The following GULP1 variants were observed in gnomAD, a reference collection of about 807,000 sequenced individuals.
The protein encoded by GULP1 is GULP PTB domain containing engulfment adaptor 1.
GULP1 carries 19 observed loss-of-function variants against 40.9 expected under a neutral mutation model. The ratio of observed to expected loss-of-function variants is 0.46; its 90% confidence interval spans 0.32 to 0.68. The LOEUF is 0.68. GULP1 is among the 30% of genes least tolerant of loss of function. The probability of loss-of-function intolerance (pLI) is 0.03; values close to 1 mark genes in which losing one functional copy is unlikely to be tolerated. For synonymous variants in GULP1, 119 were observed against 117.6 expected (o/e 1.01, Z -0.08); for missense variants, 312 against 362.2 (o/e 0.86, Z 1.12).
At chr2:188,524,735 A>G (rs932480775) in intron 5 of GULP1, among the ~76,000 whole-genome samples, 6 of 149,636 alleles carry the variant, frequency 4.0e-5, no homozygotes, top group Non-Finnish European at 7.4e-5. Context: ...TGGCTCTACT[A>G]AAAAAAAAGA....
chr2:188,513,970 A>G (rs2064888423), intron 4 of GULP1, among the ~76,000 whole-genome samples: 1 of 149,616 alleles, frequency 6.7e-6, no homozygotes, highest in South Asian at 2.1e-4. Flanking sequence ...TTCTCTGAGT[A>G]CTCCTGTTTC....
At chr2:188,344,809 C>T (rs2043410908) in intron 1 of GULP1, among the ~76,000 whole-genome samples, 1 of 152,154 alleles carries the variant, frequency 6.6e-6, no homozygotes, top group Non-Finnish European at 1.5e-5. Flanking sequence ...ATTGCAAATA[C>T]ACACATGCAC....
chr2:188,382,740 G>T (rs746249441), intron 1 of GULP1, among the ~76,000 whole-genome samples: 104 of 152,056 alleles, frequency 6.8e-4, no homozygotes, highest in Admixed American at 1.4e-3. Context: ...ACAAAAATTA[G>T]CCGGGCATGA....
At chr2:188,466,283 GTT>G (rs748651377) in intron 2 of GULP1, among the ~76,000 whole-genome samples, 139 of 146,776 alleles carry the variant, frequency 9.5e-4, no homozygotes, top group East Asian at 5.5e-3. Context: ...TCAGTGGCTG[GTT>G]TTTTTTTCCC....
chr2:188,496,350 A>G (rs1402955440), intron 4 of GULP1, among the ~76,000 whole-genome samples: 2 of 152,044 alleles, frequency 1.3e-5, no homozygotes, highest in Non-Finnish European at 2.9e-5. Context: ...TTTATTGCTC[A>G]TTAGAATGGT....
intron 7 of GULP1, among the ~76,000 whole-genome samples, chr2:188,545,652 TGAAAA>T (rs1224189389): frequency 4.6e-5 from 7 of 151,374 alleles, no homozygotes; most frequent in African/African-American, 7.3e-5. Flanking sequence ...AGAGATGCAA[TGAAAA>T]GAAAACAGAG....
chr2:188,316,120 A>G (rs2039039995), intron 1 of GULP1, among the ~76,000 whole-genome samples: 1 of 152,186 alleles, frequency 6.6e-6, no homozygotes. Context: ...TATTGCTCTG[A>G]ATAGAATGTA....
intron 2 of GULP1, among the ~76,000 whole-genome samples, chr2:188,405,381 T>G (rs1030629125): frequency 6.6e-6 from 1 of 152,080 alleles, no homozygotes; most frequent in Non-Finnish European, 1.5e-5. Flanking sequence ...CAGGCTTTAA[T>G]AGATTCAGGG....
chr2:188,535,578 A>G (rs1470056240), intron 6 of GULP1, among the ~76,000 whole-genome samples: 1 of 152,064 alleles, frequency 6.6e-6, no homozygotes, highest in Non-Finnish European at 1.5e-5. Context: ...TTCTTTATCC[A>G]ATCTACCGTT....
intron 2 of GULP1, among the ~76,000 whole-genome samples, chr2:188,452,756 G>C (rs2152924556): frequency 6.6e-6 from 1 of 152,220 alleles, no homozygotes; most frequent in East Asian, 1.9e-4. Context: ...TTCCCACCTT[G>C]TCTGTTTCTC....
chr2:188,437,957 A>T (rs1313232703), intron 2 of GULP1, among the ~76,000 whole-genome samples: 2 of 152,058 alleles, frequency 1.3e-5, no homozygotes. Context: ...GATCAGAAAA[A>T]ATACCTGTTA....
intron 7 of GULP1, among the ~76,000 whole-genome samples, chr2:188,568,272 A>T (rs1698254125): frequency 6.6e-6 from 1 of 152,166 alleles, no homozygotes; most frequent in Non-Finnish European, 1.5e-5. Context: ...ATATATTACT[A>T]CTAGTCTTCT....
chr2:188,505,390 T>C (rs1389775923), intron 4 of GULP1, among the ~76,000 whole-genome samples: 1 of 151,788 alleles, frequency 6.6e-6, no homozygotes, highest in African/African-American at 2.4e-5. Flanking sequence ...TCATCTACAA[T>C]CCCGAGTCAT....
intron 2 of GULP1, among the ~76,000 whole-genome samples, chr2:188,403,723 A>G (rs563467012): frequency 6.6e-6 from 1 of 152,294 alleles, no homozygotes; most frequent in African/African-American, 2.4e-5. Context: ...TGTGGCACTA[A>G]GTCTGTACCA....
intron 1 of GULP1, among the ~76,000 whole-genome samples, chr2:188,309,595 T>C (rs2037724679): frequency 6.6e-6 from 1 of 152,206 alleles, no homozygotes. Context: ...CTGAACCTTT[T>C]TGGAGAAAGG....
chr2:188,467,574 A>G (rs1285366590), intron 2 of GULP1, among the ~76,000 whole-genome samples: 5 of 152,108 alleles, frequency 3.3e-5, no homozygotes, highest in Non-Finnish European at 5.9e-5. Context: ...ACTCAGTAAT[A>G]CATCCGTAAG....
intron 8 of GULP1, 99 bp downstream of exon 8, chr2:188,569,454 A>T (rs1164552498): frequency 3.3e-5 from 25 of 763,592 alleles, no homozygotes; most frequent in Middle Eastern, 2.8e-4. Context: ...ATTAAATTTC[A>T]CCCACACTGA....
chr2:188,467,648 A>G lies in GULP1; in HGVS notation c.-44-10011A>G, dbSNP rs1575445632. 3.3e-5 allele frequency among the ~76,000 whole-genome samples: 5 copies of G among 151,930 alleles called. No individual in the cohort carries two copies. The South Asian group carries it at 1.0e-3, about 31-fold the overall frequency. On this transcript the variant is annotated intron_variant, in intron 2 of 11. Transcript: ENST00000409830. ...GCTTTAAAAAAATCTCAGCTATTATATTTCCTACTAATATTTTCCATGTGG... is the reference window on the plus strand; with the variant it reads ...GCTTTAAAAAAATCTCAGCTATTATGTTTCCTACTAATATTTTCCATGTGG...
intron 2 of GULP1, among the ~76,000 whole-genome samples, chr2:188,446,070 C>T (rs1349490375): frequency 6.6e-6 from 1 of 152,110 alleles, no homozygotes; most frequent in Admixed American, 6.6e-5. Context: ...CTAAAATGAC[C>T]CATATTCATT....
Sources: gnomAD v4.1 joint callset for allele counts (sites outside exome capture counted in the v4.1 genomes callset) on GRCh38, gnomAD v4.1.1 for gene constraint, MANE v1.5 for transcripts, NCBI Gene and HGNC (gene_info 2026-07-23, HGNC 2026-07-21) for gene names.